The following PHLPP1 variants were observed in gnomAD, a reference collection of about 807,000 sequenced individuals.
PHLPP1 encodes PH domain leucine-rich repeat-containing protein phosphatase 1.
In PHLPP1, 42 loss-of-function variants were observed where a neutral mutation model predicts 117.2. That is an observed-to-expected ratio of 0.36 (90% CI 0.28 to 0.46). The LOEUF (loss-of-function observed/expected upper bound fraction) is 0.46, where lower values mean the gene tolerates loss of function less well. Ranked by LOEUF, PHLPP1 falls within the 20% of genes least tolerant of loss-of-function variation. The pLI is 1.00. For synonymous variants in PHLPP1, 1,042 were observed against 970.7 expected (o/e 1.07, Z -1.37); for missense variants, 2,084 against 2,241.9 (o/e 0.93, Z 1.42).
chr18:62,901,104 T>C (rs1056547465), intron 6 of PHLPP1, among the ~76,000 whole-genome samples: 1 of 152,214 alleles, frequency 6.6e-6, no homozygotes, highest in Admixed American at 6.5e-5. Flanking sequence ...TCCTTATTAA[T>C]TCAATGCTTA....
intron 1 of PHLPP1, among the ~76,000 whole-genome samples, chr18:62,824,538 A>G (rs1011515538): frequency 6.6e-6 from 1 of 152,212 alleles, no homozygotes; most frequent in Non-Finnish European, 1.5e-5. Context: ...GGCAGTGATC[A>G]ATATACTTAT....
intron 4 of PHLPP1, among the ~76,000 whole-genome samples, chr18:62,864,680 T>C (rs1267571889): frequency 6.6e-6 from 1 of 152,250 alleles, no homozygotes; most frequent in African/African-American, 2.4e-5. Context: ...AGGCTTTCTA[T>C]TAACTAGGCA....
intron 3 of PHLPP1, among the ~76,000 whole-genome samples, chr18:62,840,272 G>T (rs1486300891): frequency 6.6e-6 from 1 of 152,188 alleles, no homozygotes; most frequent in Non-Finnish European, 1.5e-5. Flanking sequence ...TTTTAGAGAA[G>T]AAGCAATGGG....
chr18:62,818,914 A>G (rs1004541302), intron 1 of PHLPP1, among the ~76,000 whole-genome samples: 1 of 152,220 alleles, frequency 6.6e-6, no homozygotes, highest in African/African-American at 2.4e-5. Flanking sequence ...TTTTCAAGCT[A>G]CCAACATGAT....
At chr18:62,895,717 A>G in intron 5 of PHLPP1, 64 bp from the exon 6 acceptor site, 2 of 1,010,708 alleles carry the variant, frequency 2.0e-6, no homozygotes, top group Non-Finnish European at 3.1e-6. Flanking sequence ...TGGAACTTGT[A>G]TGTTGATAAT....
At chr18:62,925,011 A>G (rs921076101) in intron 10 of PHLPP1, among the ~76,000 whole-genome samples, 1 of 151,968 alleles carries the variant, frequency 6.6e-6, no homozygotes, top group Non-Finnish European at 1.5e-5. Context: ...ATTCTAATCT[A>G]GATCATGGGC....
chr18:62,946,036 T>C (rs1424792439), intron 12 of PHLPP1, among the ~76,000 whole-genome samples: 1 of 152,244 alleles, frequency 6.6e-6, no homozygotes. Context: ...ATATACAATG[T>C]AGTTTTTCAT....
intron 1 of PHLPP1, among the ~76,000 whole-genome samples, chr18:62,717,536 A>G (rs1276919770): frequency 6.6e-6 from 1 of 152,170 alleles, no homozygotes; most frequent in Non-Finnish European, 1.5e-5. Context: ...ATCCCTCTGA[A>G]AGCGGCAAGA....
chr18:62,731,388 C>G (rs1052460954), intron 1 of PHLPP1: 1 of 152,060 alleles, frequency 6.6e-6, no homozygotes, highest in African/African-American at 2.4e-5. Context: ...TTTGATGTTA[C>G]TATTGTAATT....
intron 1 of PHLPP1, among the ~76,000 whole-genome samples, chr18:62,725,748 A>G (rs1220711201): frequency 3.9e-5 from 6 of 152,328 alleles, no homozygotes; most frequent in African/African-American, 1.4e-4. Context: ...ATTTCCTTTT[A>G]TGCTAGATTT....
chr18:62,844,695 ATG>A (rs747205906), intron 3 of PHLPP1, among the ~76,000 whole-genome samples: 5 of 152,186 alleles, frequency 3.3e-5, no homozygotes, highest in Non-Finnish European at 7.3e-5. Flanking sequence ...CATTATCTAT[ATG>A]TGTGTGTTTT....
chr18:62,979,340 A>C lies in PHLPP1; in HGVS notation c.5063A>C (p.Gln1688Pro), dbSNP rs1194899069. The change falls in exon 17 of 17, where the codon CAG (glutamine) becomes CCG (proline). Residue 1688 changes from glutamine (Q) to proline (P), a missense_variant. Gln to Pro is a moderately conservative substitution (Grantham distance 76). Coordinates refer to ENST00000262719, the MANE Select transcript of PHLPP1 (RefSeq NM_194449.4). ...MKHHQEQQQQ[Q>P]QPPPPPQLQP... ...CATCACCAGGAGCAACAGCAGCAGCAGCAGCCGCCACCACCCCCTCAGCTC... is the reference window on the plus strand; with the variant it reads ...CATCACCAGGAGCAACAGCAGCAGCCGCAGCCGCCACCACCCCCTCAGCTC... The C allele has an allele frequency of 1.3e-6, 2 of 1,550,136 alleles. No homozygotes were observed. Among genetic ancestry groups the C allele is most frequent in the East Asian group, 4.9e-5 (2 of 40,972 alleles).
rs1013084365 is a variant in PHLPP1, at chr18:62,715,557, G to C, written c.-127G>C. On this transcript the variant is annotated 5_prime_UTR_variant, in exon 1 of 17. Coordinates refer to ENST00000262719, the MANE Select transcript of PHLPP1 (RefSeq NM_194449.4). ...GAATCGCCACATAATCCCCTGGAAC[G>C]GCCGCGCACAACGCCATTGGCTTCT... The C allele has an allele frequency of 1.1e-4, 54 of 483,666 alleles. No homozygotes were observed. The highest frequency in any genetic ancestry group is 1.6e-4 in the Non-Finnish European group (49 of 304,302). The allele number at this position is 483,666 out of a possible 1,614,324, so 30.0% of individuals were successfully genotyped here. A position where few individuals can be genotyped will look rare whatever the true frequency, so the allele number is the denominator to read the frequency against.
intron 1 of PHLPP1, among the ~76,000 whole-genome samples, chr18:62,776,567 C>T (rs946425190): frequency 6.6e-6 from 1 of 151,928 alleles, no homozygotes; most frequent in African/African-American, 2.4e-5. Context: ...TTGAGATTCA[C>T]CCATGTTGTA....
intron 4 of PHLPP1, among the ~76,000 whole-genome samples, chr18:62,865,023 T>C (rs1454441951): frequency 4.6e-5 from 7 of 152,210 alleles, no homozygotes; most frequent in African/African-American, 1.4e-4. Flanking sequence ...GCTCTATGTA[T>C]TGTTACTAAT....
chr18:62,793,424 A>C (rs1913521944), intron 1 of PHLPP1, among the ~76,000 whole-genome samples: 2 of 152,318 alleles, frequency 1.3e-5, no homozygotes, highest in Non-Finnish European at 2.9e-5. Flanking sequence ...TCTAACTGCC[A>C]GATTTACCTG....
chr18:62,731,133 T>TTC, intron 1 of PHLPP1: 1 of 152,246 alleles, frequency 6.6e-6, no homozygotes, highest in East Asian at 1.9e-4. Context: ...GCAACGTTTT[T>TTC]TCCAACAGCA....
In PHLPP1 at chr18:62,839,122, C is replaced by T. The variant is rs370887278; in HGVS notation, c.1899+213C>T. On this transcript the variant is annotated intron_variant, in intron 3 of 16. Transcript: ENST00000262719. ...TTGTTTTTTACTTGCCCAGTTTATA[C>T]TTAAAAATAAATTGGTCTGTAAACA... 168 of 510,134 alleles carry T rather than the reference C, an allele frequency of 3.3e-4. 2 individuals carry two copies. The South Asian group carries it at 4.5e-3, about 14-fold the overall frequency. The allele number at this position is 510,134 out of a possible 1,614,324, so 31.6% of individuals were successfully genotyped here.
At chr18:62,859,588 G>A (rs1444208780) in intron 3 of PHLPP1, among the ~76,000 whole-genome samples, 2 of 152,206 alleles carry the variant, frequency 1.3e-5, no homozygotes, top group Non-Finnish European at 2.9e-5. Context: ...AATTGAAGAT[G>A]TGTACAAGGT....
Sources: allele counts gnomAD v4.1 joint callset (sites outside exome capture counted in the v4.1 genomes callset), GRCh38; gene constraint gnomAD v4.1.1; transcripts MANE v1.5; gene names NCBI Gene and HGNC (gene_info 2026-07-23, HGNC 2026-07-21).